CTBP2: variants seen among roughly 807,000 people sequenced by gnomAD.
CTBP2 encodes C-terminal-binding protein 2.
CTBP2 carries 30 observed loss-of-function variants against 80.3 expected under a neutral mutation model. The observed-to-expected ratio is 0.37, with a 90% confidence interval of 0.28 to 0.51. CTBP2 has a LOEUF of 0.51. Ranked by LOEUF, CTBP2 falls within the 20% of genes least tolerant of loss-of-function variation. The pLI, the probability that CTBP2 is intolerant of heterozygous loss-of-function variation, is 0.93. For synonymous variants in CTBP2, 594 were observed against 587.4 expected, an observed-to-expected ratio of 1.01 and a Z score of -0.16; for missense variants, 1,212 against 1,375.3, an observed-to-expected ratio of 0.88 and a Z score of 1.88.
intron 2 of CTBP2, among the ~76,000 whole-genome samples, chr10:125,091,413 C>T (rs1848743709): frequency 6.6e-6 from 1 of 152,160 alleles, no homozygotes; most frequent in Non-Finnish European, 1.5e-5. Flanking sequence ...GCACTGTTCC[C>T]CTCTTCAACA....
chr10:125,042,341 C>T (rs777777975), intron 2 of CTBP2, among the ~76,000 whole-genome samples: 17 of 152,188 alleles, frequency 1.1e-4, no homozygotes, highest in Non-Finnish European at 2.1e-4. Context: ...CCAGCACCCC[C>T]GATCCACGCT....
chr10:124,994,710 A>G, intron 4 of CTBP2, 27 bp from the exon 7 acceptor site: 1 of 1,611,576 alleles, frequency 6.2e-7, no homozygotes, highest in Non-Finnish European at 8.5e-7. Context: ...CGTCCAGGTG[A>G]GTGAGTCCAC....
chr10:125,048,307 C>T (rs12246440), intron 2 of CTBP2, among the ~76,000 whole-genome samples: 17,959 of 152,114 alleles, frequency 0.12, 1,316 homozygotes, highest in African/African-American at 0.21. Context: ...CAGCCATGAG[C>T]CACCATCCTC....
intron 2 of CTBP2, among the ~76,000 whole-genome samples, chr10:125,091,574 AC>A (rs557569639): frequency 1.0e-3 from 154 of 152,290 alleles, no homozygotes; most frequent in Non-Finnish European, 1.7e-3. Flanking sequence ...GGAGTTTGAG[AC>A]CAGTCTGGGC....
At chr10:125,136,927 T>C (rs1857063300) in intron 1 of CTBP2, among the ~76,000 whole-genome samples, 1 of 152,188 alleles carries the variant, frequency 6.6e-6, no homozygotes, top group Non-Finnish European at 1.5e-5. Flanking sequence ...CGATTTCAAA[T>C]GGGCTCCGGG....
chr10:125,070,697 G>A (rs1845338141), intron 2 of CTBP2, among the ~76,000 whole-genome samples: 1 of 151,918 alleles, frequency 6.6e-6, no homozygotes, highest in African/African-American at 2.4e-5. Context: ...AGGGAGTCTC[G>A]TTCTGTTGCC....
At chr10:125,054,903 G>A (rs1472492885) in intron 2 of CTBP2, among the ~76,000 whole-genome samples, 1 of 152,162 alleles carries the variant, frequency 6.6e-6, no homozygotes, top group Non-Finnish European at 1.5e-5. Flanking sequence ...CAACAGCAAT[G>A]CGTACAAGCT....
chr10:125,147,943 A>T (rs562932761), intron 1 of CTBP2, among the ~76,000 whole-genome samples: 9 of 152,220 alleles, frequency 5.9e-5, no homozygotes, highest in South Asian at 2.1e-4. Context: ...ACGTCAGGCC[A>T]GTTCTAAAGG....
intron 5 of CTBP2, 78 bp downstream of exon 7, chr10:124,994,391 T>C: frequency 7.0e-7 from 1 of 1,422,524 alleles, no homozygotes. Context: ...TCCGTTGCCC[T>C]CCGTGTCCCT....
intron 1 of CTBP2, among the ~76,000 whole-genome samples, chr10:125,143,091 C>T (rs547893695): frequency 1.5e-4 from 23 of 152,300 alleles, no homozygotes; most frequent in Admixed American, 1.4e-3. Flanking sequence ...TCCAGATAAA[C>T]CCTCCTTGCT....
intron 1 of CTBP2, among the ~76,000 whole-genome samples, chr10:125,124,663 CACAA>C (rs563051114): frequency 2.1e-4 from 32 of 152,204 alleles, no homozygotes; most frequent in African/African-American, 4.1e-4. Context: ...GACTCTTCCA[CACAA>C]ACAAAAATTA....
chr10:125,041,514 C>A (rs1478989314), intron 2 of CTBP2, among the ~76,000 whole-genome samples: 3 of 115,254 alleles, frequency 2.6e-5, no homozygotes, highest in South Asian at 3.7e-4. Context: ...ACCCCCCCCC[C>A]CCCCACCCAC....
At chr10:125,099,646 C>G (rs1326455634) in intron 2 of CTBP2, among the ~76,000 whole-genome samples, 1 of 152,258 alleles carries the variant, frequency 6.6e-6, no homozygotes, top group Admixed American at 6.5e-5. Flanking sequence ...AAAATAAGCT[C>G]TTGAGTTGTC....
Position 125,028,018 on chromosome 10 carries a change from C to T in CTBP2, c.-259G>A, listed in dbSNP as rs577563623. ...AGGTCTGTTCCTTACAGCTCAGTCC[C>T]GGAGAGGAGGCTGTCCCCAGCCTGC... On this transcript the variant is annotated 5_prime_UTR_variant, in exon 1 of 9. Transcript: ENST00000309035. The T allele has an allele frequency of 3.6e-5, 35 of 978,462 alleles. No homozygotes were observed. The highest frequency in any genetic ancestry group is 7.9e-5 in the Admixed American group (2 of 25,278). 60.6% of individuals were successfully genotyped at this position (978,462 alleles called of 1,614,324 possible).
intron 1 of CTBP2, among the ~76,000 whole-genome samples, chr10:125,144,688 A>G (rs1337285457): frequency 6.6e-6 from 1 of 152,060 alleles, no homozygotes; most frequent in Non-Finnish European, 1.5e-5. Context: ...TGCAGTGGGA[A>G]GTAAATGCAC....
At chr10:125,073,099 G>C (rs1391493697) in intron 2 of CTBP2, among the ~76,000 whole-genome samples, 1 of 152,192 alleles carries the variant, frequency 6.6e-6, no homozygotes, top group African/African-American at 2.4e-5. Context: ...CTTCAGATGT[G>C]GCCCTGCCCA....
upstream of CTBP2, among the ~76,000 whole-genome samples, chr10:125,030,314 T>TA (rs1356655285): frequency 2.0e-5 from 3 of 152,130 alleles, no homozygotes; most frequent in Non-Finnish European, 4.4e-5. Flanking sequence ...TTATGTCAAG[T>TA]AAAAATAAGA....
chr10:125,079,111 C>T (rs1416818606), intron 2 of CTBP2, among the ~76,000 whole-genome samples: 2 of 144,504 alleles, frequency 1.4e-5, no homozygotes, highest in Non-Finnish European at 3.0e-5. Context: ...CATGCCACTG[C>T]ACTCCTGCCT....
intron 1 of CTBP2, among the ~76,000 whole-genome samples, chr10:125,130,783 G>A (rs1489209186): frequency 6.6e-6 from 1 of 152,116 alleles, no homozygotes; most frequent in Non-Finnish European, 1.5e-5. Context: ...AAGACTAGCG[G>A]AACTCTAACT....
Sources: allele counts gnomAD v4.1 joint callset (sites outside exome capture counted in the v4.1 genomes callset), GRCh38; gene constraint gnomAD v4.1.1; transcripts MANE v1.5; gene names NCBI Gene and HGNC (gene_info 2026-07-23, HGNC 2026-07-21).